Variants in TIMM9 observed in about 807,000 individuals in gnomAD.
The protein encoded by TIMM9 is mitochondrial import inner membrane translocase subunit Tim9.
Under a neutral mutation model 13.4 loss-of-function variants are expected in TIMM9, and 10 were observed. The ratio of observed to expected loss-of-function variants is 0.75; its 90% CI spans 0.46 to 1.26. The LOEUF is 1.26. Ranked by LOEUF, TIMM9 falls within the 50% of genes most tolerant of loss-of-function variation. The pLI, the probability that TIMM9 is intolerant of heterozygous loss-of-function variation, is 0.00. For synonymous variants in TIMM9, 32 were observed against 32.1 expected, an observed-to-expected ratio of 1.00 and a Z score of 0.01; for missense variants, 87 against 100.8, an observed-to-expected ratio of 0.86 and a Z score of 0.58.
intron 2 of TIMM9, among the ~76,000 whole-genome samples, chr14:58,426,850 T>C (rs1406722700): frequency 6.6e-6 from 1 of 152,148 alleles, no homozygotes; most frequent in East Asian, 1.9e-4. Context: ...GCTCAGGGCC[T>C]AAAGTTCCTA....
In TIMM9 at chr14:58,419,622, G is replaced by A. The variant is rs532630898; in HGVS notation, c.-27+4386C>T. Among the ~76,000 whole-genome samples the A allele has an allele frequency of 2.0e-5, 3 of 152,054 alleles. No homozygotes were observed. In the East Asian group the frequency reaches 5.8e-4, roughly 30 times the overall value. ...CAAAAATTAACTCAAAATGGATTGG[G>A]GGGCCAGGCATGGTGGCTCATGCCT... On this transcript the variant is annotated intron_variant, in intron 3 of 5. Transcript: ENST00000395159.
intron 3 of TIMM9, among the ~76,000 whole-genome samples, chr14:58,422,966 A>G: frequency 6.6e-6 from 1 of 151,780 alleles, no homozygotes; most frequent in Non-Finnish European, 1.5e-5. Context: ...GCACTACCAC[A>G]CCTGGCTAAT....
Position 58,425,494 on chromosome 14 carries a change from T to G in TIMM9, c.-114-1399A>C, listed in dbSNP as rs550220382. On this transcript the variant is annotated intron_variant, in intron 2 of 5. Transcript: ENST00000395159. ...CAGGAGGATTGCCTGAGCTCAGGAGTTGAAGGCTTCAGGGAGCTATGATCA... is the reference window on the plus strand; with the variant it reads ...CAGGAGGATTGCCTGAGCTCAGGAGGTGAAGGCTTCAGGGAGCTATGATCA... Among the ~76,000 whole-genome samples, 4 of 150,578 alleles carry G rather than the reference T, an allele frequency of 2.7e-5. No individual in the cohort carries two copies. The East Asian group carries it at 5.9e-4, about 22-fold the overall frequency.
intron 3 of TIMM9, among the ~76,000 whole-genome samples, chr14:58,417,097 G>A (rs911476852): frequency 2.0e-5 from 3 of 152,136 alleles, no homozygotes; most frequent in African/African-American, 4.8e-5. Flanking sequence ...CCCTACACAA[G>A]TTCTCTCTCT....
intron 3 of TIMM9, among the ~76,000 whole-genome samples, chr14:58,413,980 C>T (rs1270866654): frequency 9.2e-6 from 1 of 108,992 alleles, no homozygotes; most frequent in Non-Finnish European, 1.7e-5. Context: ...GCACTCCGGC[C>T]TGGGTGACAG....
intron 3 of TIMM9, among the ~76,000 whole-genome samples, chr14:58,418,130 C>T (rs2036473232): frequency 6.6e-6 from 1 of 151,904 alleles, no homozygotes; most frequent in Admixed American, 6.6e-5. Flanking sequence ...ACAACTTGAC[C>T]AAGAAGGGTT....
intron 4 of TIMM9, 150 bp from the exon 5 acceptor site, chr14:58,411,088 T>G (rs2036200066): frequency 5.1e-6 from 3 of 583,830 alleles, no homozygotes; most frequent in Non-Finnish European, 9.0e-6. Context: ...TACAGTATGA[T>G]CTACAGAATA....
Position 58,411,950 on chromosome 14 carries a change from T to G in TIMM9, c.-5A>C. On this transcript the variant is annotated 5_prime_UTR_variant, in exon 4 of 6. Transcript: ENST00000395159. ...TTCTGGTATTTGTGCAGCCATATTC[T>G]TCTGGTACCTTTATTAGTCACCTAA... 1 of 1,613,544 alleles carries G rather than the reference T, an allele frequency of 6.2e-7. No individual in the cohort carries two copies.
At chr14:58,418,620 G>A (rs1352911791) in intron 3 of TIMM9, among the ~76,000 whole-genome samples, 1 of 151,936 alleles carries the variant, frequency 6.6e-6, no homozygotes, top group African/African-American at 2.4e-5. Flanking sequence ...TACACAATAA[G>A]TATATTTAAA....
chr14:58,414,757 AAAAG>A (rs1304850630), intron 3 of TIMM9, among the ~76,000 whole-genome samples: 1 of 151,942 alleles, frequency 6.6e-6, no homozygotes, highest in African/African-American at 2.4e-5. Context: ...AAAAAGAAAA[AAAAG>A]AAAGAAAGAA....
chr14:58,409,253 T>C (rs993333072), intron 5 of TIMM9, 85 bp from the exon 6 acceptor site: 10 of 1,494,274 alleles, frequency 6.7e-6, no homozygotes, highest in Non-Finnish European at 8.1e-6. Flanking sequence ...ATCAGTGGGG[T>C]AGTTTGCTTT....
chr14:58,412,962 G>A (rs1213374969), intron 3 of TIMM9, among the ~76,000 whole-genome samples: 1 of 151,890 alleles, frequency 6.6e-6, no homozygotes, highest in East Asian at 1.9e-4. Flanking sequence ...GATTTTTGCT[G>A]TTTTCCTAAA....
At chr14:58,418,760 G>C (rs773704356) in intron 3 of TIMM9, among the ~76,000 whole-genome samples, 2 of 152,076 alleles carry the variant, frequency 1.3e-5, no homozygotes, top group Non-Finnish European at 2.9e-5. Flanking sequence ...GTACGGACTT[G>C]TATGTGGAAA....
In TIMM9 at chr14:58,427,504, G is replaced by A. The variant is rs1199340097; in HGVS notation, c.-416C>T. 5.5e-6 allele frequency: 7 copies of A among 1,278,054 alleles called. No homozygotes were observed. In the Admixed American group the frequency reaches 1.0e-4, roughly 19 times the overall value. The allele number at this position is 1,278,054 out of a possible 1,614,324, so 79.2% of individuals were successfully genotyped here. ...TTCAAGTCTTGGATGAGACTGTAGA[G>A]CGGTCTTGTGCGGCAATGTGCTACC... On this transcript the variant is annotated 5_prime_UTR_variant, in exon 1 of 6. Transcript: ENST00000395159.
At chr14:58,418,581 GAATT>G (rs1295209194) in intron 3 of TIMM9, among the ~76,000 whole-genome samples, 20 of 152,154 alleles carry the variant, frequency 1.3e-4, no homozygotes, top group African/African-American at 2.4e-4. Flanking sequence ...TAAACTCCTA[GAATT>G]AATTAAGTTC....
At chr14:58,420,405 A>T (rs1206099026) in intron 3 of TIMM9, among the ~76,000 whole-genome samples, 2 of 152,238 alleles carry the variant, frequency 1.3e-5, no homozygotes, top group Non-Finnish European at 2.9e-5. Flanking sequence ...CAAGAGCCGT[A>T]AAAAGGTATT....
At position 58,422,115 on chromosome 14, in the gene TIMM9, C is replaced by CT. The variant is rs762867153; in HGVS notation, c.-27+1892dup. ...GTCAGAGAGACAGAAAGTATGAAAT[C>CT]TTTTTTTTTTTTTTTTGAGACGGAG... On this transcript the variant is annotated intron_variant, in intron 3 of 5. Coordinates refer to ENST00000395159, the MANE Select transcript of TIMM9 (RefSeq NM_012460.4). 3.4e-3 allele frequency among the ~76,000 whole-genome samples: 428 copies of CT among 126,622 alleles called. 1 individual carries two copies. Among genetic ancestry groups the CT allele is most frequent in the South Asian group, 4.5e-3 (18 of 4,012 alleles). The allele number at this position is 126,622 out of a possible 152,430, so 83.1% of individuals were successfully genotyped here.
intron 5 of TIMM9, among the ~76,000 whole-genome samples, chr14:58,409,628 G>C (rs1246990465): frequency 6.6e-6 from 1 of 152,070 alleles, no homozygotes; most frequent in Non-Finnish European, 1.5e-5. Context: ...ACCCAGGCTT[G>C]AGTGCAGTGG....
At chr14:58,426,742 C>A (rs946799376) in intron 2 of TIMM9, among the ~76,000 whole-genome samples, 1 of 152,186 alleles carries the variant, frequency 6.6e-6, no homozygotes, top group Non-Finnish European at 1.5e-5. Context: ...AAAGGAGGAT[C>A]TTCCCCCGGG....
Sources: gnomAD v4.1 joint callset for allele counts (sites outside exome capture counted in the v4.1 genomes callset) on GRCh38, gnomAD v4.1.1 for gene constraint, MANE v1.5 for transcripts, NCBI Gene and HGNC (gene_info 2026-07-23, HGNC 2026-07-21) for gene names.